The following SNTG2 variants were observed in gnomAD, a reference collection of about 807,000 sequenced individuals.
The protein encoded by SNTG2 is gamma-2-syntrophin.
A neutral mutation model predicts 70.9 loss-of-function variants in SNTG2; 74 were observed. The ratio of observed to expected loss-of-function variants is 1.04; its 90% confidence interval spans 0.86 to 1.27. SNTG2 has a LOEUF of 1.27. SNTG2 is among the 50% of genes most tolerant of loss of function. The pLI is 0.00. For missense variants in SNTG2, 717 were observed against 690.7 expected, an observed-to-expected ratio of 1.04 and a Z score of -0.43; for synonymous variants, 278 against 273.8, an observed-to-expected ratio of 1.02 and a Z score of -0.15.
At chr2:1,067,712 A>G (rs2148128312) in intron 1 of SNTG2, among the ~76,000 whole-genome samples, 1 of 152,214 alleles carries the variant, frequency 6.6e-6, no homozygotes, top group African/African-American at 2.4e-5. Flanking sequence ...TGAGCACTGG[A>G]ACTAAGCTAT....
intron 1 of SNTG2, among the ~76,000 whole-genome samples, chr2:1,061,904 GATAA>G (rs1383114126): frequency 2.0e-5 from 3 of 151,850 alleles, no homozygotes; most frequent in Admixed American, 6.6e-5. Flanking sequence ...TAAGAGCAGA[GATAA>G]ATAAAACAAT....
chr2:1,008,726 A>T (rs1375849543), intron 1 of SNTG2, among the ~76,000 whole-genome samples: 1 of 152,218 alleles, frequency 6.6e-6, no homozygotes, highest in African/African-American at 2.4e-5. Context: ...GTAAAAGGGC[A>T]TCTGGTTTGG....
At chr2:1,241,505 G>T (rs1233985549) in intron 11 of SNTG2, among the ~76,000 whole-genome samples, 1 of 151,930 alleles carries the variant, frequency 6.6e-6, no homozygotes, top group Non-Finnish European at 1.5e-5. Flanking sequence ...AAGTTTCAGG[G>T]TACATGTGCA....
chr2:1,209,777 T>C (rs971302920), intron 9 of SNTG2, among the ~76,000 whole-genome samples: 1 of 152,256 alleles, frequency 6.6e-6, no homozygotes, highest in African/African-American at 2.4e-5. Context: ...CTAATTGTGC[T>C]ATTTAATTAC....
Position 1,273,638 on chromosome 2 carries a change from T to C in SNTG2, c.1284+6067T>C, listed in dbSNP as rs565705501. ...TGACTCATTATATACATAAATATTATATATATATATATAAGTATAAACTCA... is the reference window on the plus strand; with the variant it reads ...TGACTCATTATATACATAAATATTACATATATATATATAAGTATAAACTCA... On this transcript the variant is annotated intron_variant, in intron 14 of 16. Coordinates refer to ENST00000308624, the MANE Select transcript of SNTG2 (RefSeq NM_018968.4). Among the ~76,000 whole-genome samples, 15 of 101,258 alleles carry C rather than the reference T, an allele frequency of 1.5e-4. No homozygotes were observed. The East Asian group carries it at 6.4e-3, about 43-fold the overall frequency. 66.4% of individuals were successfully genotyped at this position (101,258 alleles called of 152,430 possible).
chr2:1,146,944 A>G (rs1341544954), intron 6 of SNTG2, among the ~76,000 whole-genome samples: 1 of 152,180 alleles, frequency 6.6e-6, no homozygotes, highest in African/African-American at 2.4e-5. Context: ...TGTTAAAAGC[A>G]TGTTTGTGCA....
At chr2:1,263,061 A>G (rs1678533076) in intron 13 of SNTG2, 1 of 152,222 alleles carries the variant, frequency 6.6e-6, no homozygotes, top group Non-Finnish European at 1.5e-5. Flanking sequence ...TGTGAGGCTA[A>G]ACAGTGGAAA....
chr2:1,244,565 G>A (rs187872209), intron 11 of SNTG2, among the ~76,000 whole-genome samples: 440 of 151,866 alleles, frequency 2.9e-3, no homozygotes, highest in African/African-American at 7.3e-3. Flanking sequence ...GCGTGGTGGC[G>A]GGCGCCTCTG....
At position 1,166,643 on chromosome 2, in the gene SNTG2, C is replaced by T. The variant is rs570804314; in HGVS notation, c.499+1008C>T. On this transcript the variant is annotated intron_variant, in intron 7 of 16. Coordinates refer to ENST00000308624, the MANE Select transcript of SNTG2 (RefSeq NM_018968.4). Reference sequence around the variant, plus strand: ...TGGGAGGAGAAGGGCGGGTCCCTGGCGAGGGCTGCACCCCCAGGCCTGTGC... The same window carrying T: ...TGGGAGGAGAAGGGCGGGTCCCTGGTGAGGGCTGCACCCCCAGGCCTGTGC... Among the ~76,000 whole-genome samples, 103 of 152,256 alleles carry T rather than the reference C, an allele frequency of 6.8e-4. No homozygotes were observed. In the South Asian group the frequency reaches 0.011, roughly 17 times the overall value.
At chr2:1,331,015 C>T (rs1263735111) in intron 16 of SNTG2, among the ~76,000 whole-genome samples, 1 of 152,192 alleles carries the variant, frequency 6.6e-6, no homozygotes, top group Admixed American at 6.5e-5. Flanking sequence ...CTGTGTGTTT[C>T]AGAAGCTCCC....
intron 16 of SNTG2, among the ~76,000 whole-genome samples, chr2:1,351,134 C>T (rs1398212659): frequency 1.3e-5 from 2 of 151,644 alleles, no homozygotes; most frequent in African/African-American, 2.4e-5. Flanking sequence ...CCACAGTTCT[C>T]TTAATTTCCT....
At chr2:1,352,951 T>C (rs1242809559) in intron 16 of SNTG2, among the ~76,000 whole-genome samples, 1 of 152,158 alleles carries the variant, frequency 6.6e-6, no homozygotes, top group Admixed American at 6.5e-5. Context: ...ATCAGCCACC[T>C]CATTCAGTCA....
intron 2 of SNTG2, among the ~76,000 whole-genome samples, chr2:1,092,426 C>T (rs1032693428): frequency 1.6e-4 from 24 of 152,278 alleles, no homozygotes; most frequent in Admixed American, 3.3e-4. Context: ...ATCCTGTCCT[C>T]ACCACAAGAA....
intron 16 of SNTG2, among the ~76,000 whole-genome samples, chr2:1,359,719 G>A (rs1454241035): frequency 6.6e-6 from 1 of 152,132 alleles, no homozygotes; most frequent in Non-Finnish European, 1.5e-5. Flanking sequence ...TGGGAAAGAT[G>A]ACTGCTTTTA....
chr2:1,318,179 A>C (rs1312169765), intron 16 of SNTG2, among the ~76,000 whole-genome samples: 1 of 152,244 alleles, frequency 6.6e-6, no homozygotes, highest in Non-Finnish European at 1.5e-5. Flanking sequence ...AGTTTAATAT[A>C]AACTTAATAA....
chr2:1,177,467 T>G (rs1558495707), intron 8 of SNTG2, among the ~76,000 whole-genome samples: 1 of 150,764 alleles, frequency 6.6e-6, no homozygotes, highest in Non-Finnish European at 1.5e-5. Flanking sequence ...ATCCTGCAGA[T>G]GTACTCTGGA....
intron 14 of SNTG2, among the ~76,000 whole-genome samples, chr2:1,280,906 G>C (rs1433631348): frequency 6.6e-6 from 1 of 152,196 alleles, no homozygotes. Context: ...TTCAAACTCA[G>C]ATATTCACAA....
chr2:1,284,205 C>G (rs533074360), intron 14 of SNTG2, among the ~76,000 whole-genome samples: 1 of 152,312 alleles, frequency 6.6e-6, no homozygotes, highest in Admixed American at 6.5e-5. Context: ...TATTTCTGCT[C>G]CGTCATTCAT....
intron 11 of SNTG2, among the ~76,000 whole-genome samples, chr2:1,245,470 T>C (rs918418501): frequency 6.6e-6 from 1 of 152,174 alleles, no homozygotes; most frequent in Non-Finnish European, 1.5e-5. Context: ...TTTGCAATTG[T>C]TTTTAGTAAC....
Sources: gnomAD v4.1 joint callset for allele counts (sites outside exome capture counted in the v4.1 genomes callset) on GRCh38, gnomAD v4.1.1 for gene constraint, MANE v1.5 for transcripts, NCBI Gene and HGNC (gene_info 2026-07-23, HGNC 2026-07-21) for gene names.